The following MPP2 variants were observed in gnomAD, a reference collection of about 807,000 sequenced individuals.
MPP2 encodes MAGUK p55 scaffold protein 2, also known as MAGUK p55 subfamily member 2.
MPP2 carries 42 observed loss-of-function variants against 58.5 expected under a neutral mutation model. The observed-to-expected ratio is 0.72, with a 90% confidence interval of 0.56 to 0.93. The LOEUF is 0.93. Ranked by LOEUF, MPP2 falls within the 40% of genes least tolerant of loss-of-function variation. The probability of loss-of-function intolerance (pLI) is 0.00; values close to 1 mark genes in which losing one functional copy is unlikely to be tolerated. For synonymous variants in MPP2, 300 were observed against 307.8 expected, an observed-to-expected ratio of 0.97 and a Z score of 0.26; for missense variants, 632 against 760.4, an observed-to-expected ratio of 0.83 and a Z score of 1.99.
intron 2 of MPP2, among the ~76,000 whole-genome samples, chr17:43,900,093 AG>A (rs1239859448): frequency 1.3e-5 from 2 of 152,174 alleles, no homozygotes; most frequent in Non-Finnish European, 2.9e-5. Context: ...GAGATGGTTC[AG>A]GGACTCCTGG....
chr17:43,908,108 C>G (rs930086623), upstream of MPP2, among the ~76,000 whole-genome samples: 1 of 152,196 alleles, frequency 6.6e-6, no homozygotes, highest in Non-Finnish European at 1.5e-5. Context: ...TCGAGAGCCT[C>G]TTTTAGGTCT....
At chr17:43,882,797 C>T (rs2047196386) in intron 5 of MPP2, 106 bp downstream of exon 5, 2 of 1,518,576 alleles carry the variant, frequency 1.3e-6, no homozygotes, top group Non-Finnish European at 1.8e-6. Flanking sequence ...CAAAGCTGGC[C>T]CCATCTTCAT....
At position 43,879,308 on chromosome 17, in the gene MPP2, C is replaced by T. The variant is rs148596933; in HGVS notation, c.1449G>A (p.Ala483=). The T allele has an allele frequency of 3.2e-4, 509 of 1,614,038 alleles. No individual in the cohort carries two copies. Among genetic ancestry groups the T allele is most frequent in the Non-Finnish European group, 4.1e-4 (487 of 1,180,004 alleles). Residue 483 remains alanine (A), a synonymous_variant, in exon 12 of 13, where the codon GCG becomes GCA. Coordinates refer to ENST00000269095, the MANE Select transcript of MPP2 (RefSeq NM_005374.5). The surrounding 1 kb of genome is among the most constrained non-coding windows in gnomAD (Gnocchi z 4.1). Reference sequence around the variant, plus strand: ...GCTTGGTGGATATTCCACTCTCCAGCGCAGCCCTGTTCATGGCCCGCAGGG... The same window carrying T: ...GCTTGGTGGATATTCCACTCTCCAGTGCAGCCCTGTTCATGGCCCGCAGGG... ...FETLRAMNRA[A]LESGISTKQL... is the part of the protein sequence containing the mutation.
chr17:43,909,699 AG>A, upstream of MPP2: 1 of 977,700 alleles, frequency 1.0e-6, no homozygotes. Flanking sequence ...TCTCTAATAA[AG>A]GCCTTGCAGA....
chr17:43,879,130 G>T lies in MPP2; in HGVS notation c.1482+145C>A. ...AGACCTCCCCTTCCACATCTATGCAGGGGGGACCACGTCCTGCCTCACTGA... is the reference window on the plus strand; with the variant it reads ...AGACCTCCCCTTCCACATCTATGCATGGGGGACCACGTCCTGCCTCACTGA... On this transcript the variant is annotated intron_variant, in intron 12 of 12. Transcript: ENST00000269095. This position sits in a 1 kb window ranked among gnomAD's most constrained non-coding sequence, Gnocchi z 4.1. The T allele has an allele frequency of 9.8e-7, 1 of 1,016,594 alleles. No homozygotes were observed. The highest frequency in any genetic ancestry group is 1.5e-6 in the Non-Finnish European group (1 of 686,944). The allele number at this position is 1,016,594 out of a possible 1,614,324, so 63.0% of individuals were successfully genotyped here.
At chr17:43,905,405 T>A in intron 1 of MPP2, 1 of 152,336 alleles carries the variant, frequency 6.6e-6, no homozygotes. Context: ...CTCTCCTCTC[T>A]CCCTTTCTTA....
chr17:43,894,945 A>G (rs1387947568), intron 3 of MPP2, among the ~76,000 whole-genome samples: 1 of 152,140 alleles, frequency 6.6e-6, no homozygotes, highest in African/African-American at 2.4e-5. Context: ...CCTGTCTAAA[A>G]AAAAATCCCA....
At chr17:43,892,605 C>G (rs926399001) in intron 3 of MPP2, among the ~76,000 whole-genome samples, 1 of 152,026 alleles carries the variant, frequency 6.6e-6, no homozygotes. Flanking sequence ...GTTTGTTTCA[C>G]AACCACAGGG....
chr17:43,890,605 G>T (rs1386166150), intron 3 of MPP2, among the ~76,000 whole-genome samples: 1 of 152,234 alleles, frequency 6.6e-6, no homozygotes, highest in Non-Finnish European at 1.5e-5. Flanking sequence ...TAAATTAAAA[G>T]ATGTCCCAGA....
chr17:43,891,513 T>C (rs2047605362), intron 3 of MPP2, among the ~76,000 whole-genome samples: 1 of 144,862 alleles, frequency 6.9e-6, no homozygotes, highest in Admixed American at 6.8e-5. Flanking sequence ...AGACTCCGTC[T>C]CAAAAAAAAA....
intron 2 of MPP2, among the ~76,000 whole-genome samples, chr17:43,899,696 A>G (rs1208981711): frequency 6.6e-6 from 1 of 152,152 alleles, no homozygotes; most frequent in Non-Finnish European, 1.5e-5. Context: ...GGTCACACCA[A>G]GTCATCACAG....
rs1364667267 is a variant in MPP2, at chr17:43,880,697, C to T, written c.1144G>A (p.Val382Met). Reference protein sequence around the residue: ...MWDPDRYGTTVPYTSRRPKDS... With the variant: ...MWDPDRYGTTMPYTSRRPKDS... ...GGGCCCAGCTCCCACTCACAGGGCA[C>T]CGTGGTGCCATAGCGATCTGGATCC... Residue 382 changes from valine (V) to methionine (M), a missense_variant, in exon 10 of 13, where the codon GTG (valine) becomes ATG (methionine). By Grantham distance (21) the Val-to-Met change is conservative (BLOSUM62 1). Transcript: ENST00000269095. The surrounding 1 kb of genome is among the most constrained non-coding windows in gnomAD (Gnocchi z 5.2). 1.9e-6 allele frequency: 3 copies of T among 1,609,262 alleles called. No individual in the cohort carries two copies. Among genetic ancestry groups the T allele is most frequent in the Middle Eastern group, 1.7e-4 (1 of 6,046 alleles).
At chr17:43,900,656 C>G (rs1034278205) in intron 2 of MPP2, 51 of 1,424,990 alleles carry the variant, frequency 3.6e-5, no homozygotes, top group Admixed American at 2.3e-4. Flanking sequence ...AGTCGAGGAG[C>G]GCCCTCTGAG....
At position 43,876,601 on chromosome 17, in the gene MPP2, A is replaced by G. The variant is rs1207859822; in HGVS notation, c.*1206T>C. The G allele has an allele frequency of 1.3e-5, 2 of 152,358 alleles. No individual in the cohort carries two copies. The highest frequency in any genetic ancestry group is 1.9e-4 in the East Asian group (1 of 5,186). 9.4% of individuals were successfully genotyped at this position (152,358 alleles called of 1,614,324 possible). A position where few individuals can be genotyped will look rare whatever the true frequency, so the allele number is the denominator to read the frequency against. On this transcript the variant is annotated 3_prime_UTR_variant, in exon 13 of 13. Coordinates refer to ENST00000269095, the MANE Select transcript of MPP2 (RefSeq NM_005374.5). The stretch of plus-strand genomic sequence containing the variant: ...AAAGGGGCCCCAAAGAGTGACCTCC[A>G]AAACAAAACCCTTTGCTTCCTCCCC...
intron 1 of MPP2, among the ~76,000 whole-genome samples, chr17:43,906,689 C>T (rs2048301465): frequency 6.6e-6 from 1 of 152,116 alleles, no homozygotes; most frequent in African/African-American, 2.4e-5. Context: ...ACCATCAGAT[C>T]ACCCCTGCCC....
At chr17:43,909,589 G>A, upstream of MPP2, 3 of 1,488,144 alleles carry the variant, frequency 2.0e-6, no homozygotes, top group Non-Finnish European at 2.7e-6. Context: ...AGGATCCTCA[G>A]GACAGTCTGG....
chr17:43,893,625 T>C (rs966832445), intron 3 of MPP2, among the ~76,000 whole-genome samples: 2 of 152,214 alleles, frequency 1.3e-5, no homozygotes, highest in African/African-American at 4.8e-5. Flanking sequence ...AGATCAGTGG[T>C]GGCATTAGAT....
intron 1 of MPP2, among the ~76,000 whole-genome samples, chr17:43,906,550 C>T (rs1377505657): frequency 2.0e-5 from 3 of 152,210 alleles, no homozygotes; most frequent in Non-Finnish European, 4.4e-5. Flanking sequence ...CATCCATACA[C>T]ATACAAAGAG....
At chr17:43,890,875 G>C (rs1350613053) in intron 3 of MPP2, among the ~76,000 whole-genome samples, 1 of 152,200 alleles carries the variant, frequency 6.6e-6, no homozygotes, top group Non-Finnish European at 1.5e-5. Context: ...CCAGACATGT[G>C]AGTGAGGCCA....
Sources: allele counts gnomAD v4.1 joint callset (sites outside exome capture counted in the v4.1 genomes callset), GRCh38; gene constraint gnomAD v4.1.1; non-coding constraint Gnocchi (gnomAD v3.1); transcripts MANE v1.5; gene names NCBI Gene and HGNC (gene_info 2026-07-23, HGNC 2026-07-21).